Variants in PXMP2 observed in about 807,000 individuals in gnomAD.
PXMP2 encodes peroxisomal membrane protein 2.
Under a neutral mutation model 20.2 loss-of-function variants are expected in PXMP2, and 13 were observed. The observed-to-expected ratio is 0.64, with a 90% CI of 0.42 to 1.02. The LOEUF (loss-of-function observed/expected upper bound fraction) is 1.02, where lower values mean the gene tolerates loss of function less well. PXMP2 is among the 50% of genes least tolerant of loss of function. PXMP2 has a pLI of 0.00. For synonymous variants in PXMP2, 113 were observed against 111.2 expected, an observed-to-expected ratio of 1.02 and a Z score of -0.10; for missense variants, 284 against 251.8, an observed-to-expected ratio of 1.13 and a Z score of -0.87.
intron 2 of PXMP2, 120 bp downstream of exon 2, chr12:132,690,496 A>G: frequency 2.7e-6 from 2 of 738,714 alleles, no homozygotes; most frequent in South Asian, 4.0e-5. Context: ...AAACCATTGT[A>G]GTAATCATCA....
At chr12:132,692,328 A>G (rs1239304001) in intron 2 of PXMP2, among the ~76,000 whole-genome samples, 2 of 124,682 alleles carry the variant, frequency 1.6e-5, no homozygotes, top group Admixed American at 7.9e-5. Flanking sequence ...TCCCTTAGCC[A>G]GTTAGTTAGT....
chr12:132,699,704 C>CT (rs1164204793), intron 3 of PXMP2, among the ~76,000 whole-genome samples: 3 of 151,682 alleles, frequency 2.0e-5, no homozygotes, highest in South Asian at 2.1e-4. Flanking sequence ...CGAGTTCATT[C>CT]TTTTTTTTAT....
chr12:132,703,547 C>G (rs866589347), intron 4 of PXMP2, among the ~76,000 whole-genome samples: 1 of 152,166 alleles, frequency 6.6e-6, no homozygotes, highest in African/African-American at 2.4e-5. Context: ...GACAGCTGAG[C>G]GGACAGGAGA....
chr12:132,687,926 T>G (rs1593100613), intron 1 of PXMP2, 134 bp downstream of exon 1: 23 of 888,398 alleles, frequency 2.6e-5, no homozygotes, highest in Non-Finnish European at 3.2e-5. Flanking sequence ...GCGGGCGCCC[T>G]CCGACCCGGC....
chr12:132,696,078 C>G lies in PXMP2; in HGVS notation c.399+32C>G. On this transcript the variant is annotated intron_variant, in intron 3 of 4. Coordinates refer to ENST00000317479, the MANE Select transcript of PXMP2 (RefSeq NM_018663.3). This position sits in a 1 kb window ranked among gnomAD's most constrained non-coding sequence, Gnocchi z 4.4. The stretch of plus-strand genomic sequence containing the variant: ...GTCTGCCACAGCACTTACTGCAGCT[C>G]TTCGTTTAGCACAGGGATTCTTCAC... The G allele has an allele frequency of 6.4e-7, 1 of 1,564,408 alleles. No homozygotes were observed. The highest frequency in any genetic ancestry group is 1.2e-5 in the South Asian group (1 of 84,064).
At chr12:132,692,712 ACCCTTGCCAGTTAGTTAGTGAGCT>A (rs1565990641) in intron 2 of PXMP2, among the ~76,000 whole-genome samples, 67 of 49,880 alleles carry the variant, frequency 1.3e-3, no homozygotes, top group African/African-American at 4.3e-3. Context: ...GTTAGTGAGC[ACCCTTGCCAGTTAGTTAGTGAGCT>A]CCCTTAGCCA....
rs2043316275 is a variant in PXMP2 at position 132,687,803 on chromosome 12, G to A, written c.122+11G>A. Reference sequence around the variant, plus strand: ...CAAGGCGGCCACCAGGTGAGCGGGGGCGCGGGAATCGGACGCCGCCCCGGC... The same window carrying A: ...CAAGGCGGCCACCAGGTGAGCGGGGACGCGGGAATCGGACGCCGCCCCGGC... On this transcript the variant is annotated intron_variant, in intron 1 of 4. Coordinates refer to ENST00000317479, the MANE Select transcript of PXMP2 (RefSeq NM_018663.3). The A allele has an allele frequency of 3.5e-6, 4 of 1,146,606 alleles. No homozygotes were observed. The highest frequency in any genetic ancestry group is 4.3e-6 in the Non-Finnish European group (4 of 933,662). The allele number at this position is 1,146,606 out of a possible 1,614,324, so 71.0% of individuals were successfully genotyped here.
chr12:132,694,095 C>CAGTTAGTTAGTGAGCGCCCTTGCCAGTT (rs1478202551), intron 2 of PXMP2, among the ~76,000 whole-genome samples: 2 of 84,582 alleles, frequency 2.4e-5, no homozygotes, highest in Non-Finnish European at 2.5e-5. Context: ...CGCCCTTAGC[C>CAGTTAGTTAGTGAGCGCCCTTGCCAGTT]AGTTAGTGAG....
chr12:132,694,978 GA>G (rs1482206229), intron 2 of PXMP2, among the ~76,000 whole-genome samples: 1 of 129,786 alleles, frequency 7.7e-6, no homozygotes, highest in African/African-American at 2.9e-5. Context: ...GTTAGTTAGT[GA>G]GCTCCCTTAG....
chr12:132,701,491 T>C, intron 4 of PXMP2, 122 bp downstream of exon 4: 1 of 1,326,798 alleles, frequency 7.5e-7, no homozygotes, highest in Non-Finnish European at 1.0e-6. Context: ...CTTTCTTTGG[T>C]AGTTTTCCGC....
intron 3 of PXMP2, among the ~76,000 whole-genome samples, chr12:132,699,616 C>T (rs1178210920): frequency 2.6e-5 from 4 of 151,128 alleles, no homozygotes; most frequent in Admixed American, 6.6e-5. Flanking sequence ...CTGCAACCTC[C>T]GCCCCCCAGG....
At chr12:132,703,426 C>T (rs766924283) in intron 4 of PXMP2, among the ~76,000 whole-genome samples, 2 of 152,136 alleles carry the variant, frequency 1.3e-5, no homozygotes, top group South Asian at 2.1e-4. Flanking sequence ...CCAGAAAGAG[C>T]AGCTCTGCGG....
chr12:132,701,153 T>C (rs753563640), intron 3 of PXMP2, 97 bp from the exon 4 acceptor site: 8 of 1,528,762 alleles, frequency 5.2e-6, no homozygotes, highest in Non-Finnish European at 7.2e-6. Context: ...CAAAATCCAA[T>C]AGCAGTTTAA....
At chr12:132,692,948 C>T (rs1412566709) in intron 2 of PXMP2, among the ~76,000 whole-genome samples, 2 of 96,368 alleles carry the variant, frequency 2.1e-5, no homozygotes, top group African/African-American at 6.9e-5. Flanking sequence ...AGCGCCCTTG[C>T]CAGTTAGTTA....
At chr12:132,688,084 G>A (rs1039540917) in intron 1 of PXMP2, 1 of 205,416 alleles carries the variant, frequency 4.9e-6, no homozygotes, top group Non-Finnish European at 9.7e-6. Flanking sequence ...GGCCCCGCGC[G>A]CCCGGGGAAG....
At chr12:132,690,138 A>T in intron 1 of PXMP2, 125 bp from the exon 2 acceptor site, 1 of 717,800 alleles carries the variant, frequency 1.4e-6, no homozygotes, top group Non-Finnish European at 2.4e-6. Flanking sequence ...CAGCCGCTTT[A>T]ACAAGAATTC....
At chr12:132,701,399 A>T in intron 4 of PXMP2, 30 bp downstream of exon 4, 1 of 1,608,290 alleles carries the variant, frequency 6.2e-7, no homozygotes, top group Non-Finnish European at 8.5e-7. Flanking sequence ...GCCTCTGCTA[A>T]CATTACTTTG....
At chr12:132,689,187 CAG>C (rs1481253319) in intron 1 of PXMP2, among the ~76,000 whole-genome samples, 1 of 138,590 alleles carries the variant, frequency 7.2e-6, no homozygotes, top group African/African-American at 2.8e-5. Flanking sequence ...CGGGTAAAGA[CAG>C]GGCCAAGGGA....
intron 4 of PXMP2, chr12:132,702,571 C>T (rs116681444): frequency 3.8e-4 from 103 of 269,240 alleles, no homozygotes; most frequent in African/African-American, 2.3e-3. Flanking sequence ...GAAGGTATGC[C>T]GCCCATCAGG....
Sources: allele counts gnomAD v4.1 joint callset (sites outside exome capture counted in the v4.1 genomes callset), GRCh38; gene constraint gnomAD v4.1.1; non-coding constraint Gnocchi (gnomAD v3.1); transcripts MANE v1.5; gene names NCBI Gene and HGNC (gene_info 2026-07-23, HGNC 2026-07-21).